Variants in PAFAH1B1 observed in about 807,000 individuals in gnomAD.
PAFAH1B1 encodes the protein platelet-activating factor acetylhydrolase IB subunit beta.
In PAFAH1B1, 2 loss-of-function variants were observed where a neutral mutation model predicts 57.5. The ratio of observed to expected loss-of-function variants is 0.03; its 90% CI spans 0.01 to 0.11. PAFAH1B1 has a LOEUF of 0.11. Among genes scored for constraint, PAFAH1B1 ranks in the 10% least tolerant of loss-of-function variants. The pLI is 1.00. For synonymous variants in PAFAH1B1, 152 were observed against 169.6 expected (o/e 0.90, Z 0.81); for missense variants, 257 against 512.0 (o/e 0.50, Z 4.81).
chr17:2,667,305 G>T, intron 5 of PAFAH1B1, 107 bp downstream of exon 5: 2 of 790,668 alleles, frequency 2.5e-6, no homozygotes, highest in East Asian at 2.6e-5. Context: ...CTGCACTCCA[G>T]CCTGGGCGAC....
At position 2,677,899 on chromosome 17, in the gene PAFAH1B1, C is replaced by G. The variant is rs568327547; in HGVS notation, c.1002+1293C>G. Among the ~76,000 whole-genome samples the G allele has an allele frequency of 9.9e-5, 15 of 152,106 alleles. No individual in the cohort carries two copies. In the South Asian group the frequency reaches 2.7e-3, roughly 27 times the overall value. Reference sequence around the variant, plus strand: ...AATAAAAAGAAAATGAAACTCTCCTCTAGTAGTATTCTGAGCGGAGTTCAG... The same window carrying G: ...AATAAAAAGAAAATGAAACTCTCCTGTAGTAGTATTCTGAGCGGAGTTCAG... On this transcript the variant is annotated intron_variant, in intron 9 of 10. Transcript: ENST00000397195.
Position 2,683,772 on chromosome 17 carries a change from CT to C in PAFAH1B1, c.*1971del, listed in dbSNP as rs2069422544. The C allele has an allele frequency of 6.6e-6, 1 of 152,582 alleles. No individual in the cohort carries two copies. The highest frequency in any genetic ancestry group is 1.5e-5 in the Non-Finnish European group (1 of 68,020). 9.5% of individuals were successfully genotyped at this position (152,582 alleles called of 1,614,324 possible). A position where few individuals can be genotyped will look rare whatever the true frequency, so the allele number is the denominator to read the frequency against. ...CCTTAGCTCTTCTGACTGGATTTTTCTACAAAAACTATGGAAAATATCTTTG... is the reference window on the plus strand; with the variant it reads ...CCTTAGCTCTTCTGACTGGATTTTTCACAAAAACTATGGAAAATATCTTTG... On this transcript the variant is annotated 3_prime_UTR_variant, in exon 11 of 11. Coordinates refer to ENST00000397195, the MANE Select transcript of PAFAH1B1 (RefSeq NM_000430.4).
At chr17:2,596,417 A>T (rs1166354443) in intron 1 of PAFAH1B1, among the ~76,000 whole-genome samples, 1 of 152,174 alleles carries the variant, frequency 6.6e-6, no homozygotes, top group Non-Finnish European at 1.5e-5. Flanking sequence ...AAAGGATAAG[A>T]TAATTTGCAT....
chr17:2,645,886 G>T (rs2068761954), intron 2 of PAFAH1B1, among the ~76,000 whole-genome samples: 1 of 150,692 alleles, frequency 6.6e-6, no homozygotes, highest in South Asian at 2.1e-4. Flanking sequence ...TTACAGGCAT[G>T]AGCCACCACG....
chr17:2,672,102 C>T (rs1209527959), intron 6 of PAFAH1B1, among the ~76,000 whole-genome samples: 3 of 151,772 alleles, frequency 2.0e-5, no homozygotes, highest in Non-Finnish European at 4.4e-5. Context: ...GACCTTGTCT[C>T]TACAAAAAAT....
At chr17:2,675,548 T>TG (rs2069249485) in intron 8 of PAFAH1B1, among the ~76,000 whole-genome samples, 1 of 151,814 alleles carries the variant, frequency 6.6e-6, no homozygotes, top group South Asian at 2.1e-4. Flanking sequence ...ACGCCTGTAA[T>TG]CCCAGCACTT....
chr17:2,650,105 C>T (rs2068828356), intron 2 of PAFAH1B1, among the ~76,000 whole-genome samples: 1 of 152,182 alleles, frequency 6.6e-6, no homozygotes, highest in Non-Finnish European at 1.5e-5. Context: ...TCAAAACAGG[C>T]CAGGCACTGT....
chr17:2,601,611 T>C (rs1424152473), intron 1 of PAFAH1B1, among the ~76,000 whole-genome samples: 1 of 152,208 alleles, frequency 6.6e-6, no homozygotes, highest in Non-Finnish European at 1.5e-5. Context: ...CTGGCTCATA[T>C]TTCTATTTTT....
chr17:2,674,454 A>G (rs1030947348), intron 8 of PAFAH1B1, among the ~76,000 whole-genome samples, 166 bp downstream of exon 8: 15 of 152,234 alleles, frequency 9.9e-5, no homozygotes, highest in Non-Finnish European at 1.9e-4. Context: ...ATGTGTTTAC[A>G]TTATTTAACC....
intron 2 of PAFAH1B1, among the ~76,000 whole-genome samples, chr17:2,656,705 A>C (rs1305190127): frequency 6.6e-6 from 1 of 152,040 alleles, no homozygotes; most frequent in Non-Finnish European, 1.5e-5. Flanking sequence ...ATTTTAAGGG[A>C]TCTTCATTGT....
At chr17:2,664,671 T>G (rs4790349) in intron 2 of PAFAH1B1, among the ~76,000 whole-genome samples, 16 of 110,680 alleles carry the variant, frequency 1.4e-4, no homozygotes, top group Non-Finnish European at 8.7e-5. Flanking sequence ...TATCGCTCTC[T>G]CTCTCTCTCT....
intron 2 of PAFAH1B1, among the ~76,000 whole-genome samples, chr17:2,652,324 A>G (rs1360855734): frequency 6.6e-6 from 1 of 152,154 alleles, no homozygotes; most frequent in African/African-American, 2.4e-5. Context: ...CTGAGGCAGG[A>G]GAATGGCGTG....
intron 2 of PAFAH1B1, among the ~76,000 whole-genome samples, chr17:2,650,239 C>T (rs1317101428): frequency 1.3e-5 from 2 of 152,106 alleles, no homozygotes; most frequent in Non-Finnish European, 2.9e-5. Context: ...CAGCCAGGTG[C>T]AGTGGCTCAC....
Position 2,620,731 on chromosome 17 carries a change from G to A in PAFAH1B1, c.-190-17368G>A, listed in dbSNP as rs150755194. On this transcript the variant is annotated intron_variant, in intron 1 of 10. Transcript: ENST00000397195. ...ACAAAAATTAGCTGGGTATGGTGGC[G>A]CGTACCTGTAATCCTAGCTACTCGG... Among the ~76,000 whole-genome samples, 318 of 152,058 alleles carry A rather than the reference G, an allele frequency of 2.1e-3. 2 individuals are homozygous for A. The highest frequency in any genetic ancestry group is 3.6e-3 in the Non-Finnish European group (248 of 67,984).
At chr17:2,633,219 G>C (rs957867654) in intron 1 of PAFAH1B1, among the ~76,000 whole-genome samples, 4 of 149,600 alleles carry the variant, frequency 2.7e-5, no homozygotes, top group Non-Finnish European at 5.9e-5. Flanking sequence ...TGCCAGGGCA[G>C]TGCAGTGATG....
At position 2,683,306 on chromosome 17, in the gene PAFAH1B1, T is replaced by G. The variant is rs933695341; in HGVS notation, c.*1504T>G. 6.6e-6 allele frequency: 1 copy of G among 151,938 alleles called. No individual in the cohort carries two copies. Among genetic ancestry groups the G allele is most frequent in the Non-Finnish European group, 1.5e-5 (1 of 67,936 alleles). The allele number at this position is 151,938 out of a possible 1,614,324, so 9.4% of individuals were successfully genotyped here. ...TTCCATTGCTTAGCTAACCAACAGGTTTTTTTTGTTTCCAAGAGAGTTATT... is the reference window on the plus strand; with the variant it reads ...TTCCATTGCTTAGCTAACCAACAGGGTTTTTTTGTTTCCAAGAGAGTTATT... On this transcript the variant is annotated 3_prime_UTR_variant, in exon 11 of 11. Transcript: ENST00000397195.
intron 2 of PAFAH1B1, among the ~76,000 whole-genome samples, chr17:2,642,655 C>G (rs562330405): frequency 6.6e-6 from 1 of 152,312 alleles, no homozygotes; most frequent in Non-Finnish European, 1.5e-5. Context: ...TTCCCTCATA[C>G]TTCCACGAAG....
chr17:2,602,892 G>A (rs1263169997), intron 1 of PAFAH1B1, among the ~76,000 whole-genome samples: 1 of 152,214 alleles, frequency 6.6e-6, no homozygotes, highest in Admixed American at 6.5e-5. Context: ...TGAACCTCAG[G>A]TACTGAGGCT....
Position 2,665,398 on chromosome 17 carries a change from G to A in PAFAH1B1, c.59G>A (p.Arg20His), listed in dbSNP as rs1030300693. Residue 20 changes from arginine (R) to histidine (H), a missense_variant, in exon 3 of 11, where the codon CGT (arginine) becomes CAT (histidine). Arg to His is a conservative substitution (Grantham distance 29). Transcript: ENST00000397195. ...AATCGAGCTATAGCAGATTATCTTC[G>A]TTCAAATGGCTATGAAGAGGCATAT... ...ELNRAIADYLRSNGYEEAYSV... is the reference protein window; with the variant it reads ...ELNRAIADYLHSNGYEEAYSV... 5.0e-6 allele frequency: 8 copies of A among 1,607,024 alleles called. No individual in the cohort carries two copies. The highest frequency in any genetic ancestry group is 2.2e-5 in the East Asian group (1 of 44,764).
Sources: gnomAD v4.1 joint callset for allele counts (sites outside exome capture counted in the v4.1 genomes callset) on GRCh38, gnomAD v4.1.1 for gene constraint, MANE v1.5 for transcripts, NCBI Gene and HGNC (gene_info 2026-07-23, HGNC 2026-07-21) for gene names.